The following UNC5C variants were observed in gnomAD, a reference collection of about 807,000 sequenced individuals.
The protein encoded by UNC5C is netrin receptor UNC5C.
In UNC5C, 47 loss-of-function variants were observed where a neutral mutation model predicts 99.8. The ratio of observed to expected loss-of-function variants is 0.47; its 90% CI spans 0.37 to 0.60. The LOEUF (loss-of-function observed/expected upper bound fraction) is 0.60. Ranked by LOEUF, UNC5C falls within the 20% of genes least tolerant of loss-of-function variation. UNC5C has a pLI of 0.00. For synonymous variants in UNC5C, 487 were observed against 452.2 expected, an observed-to-expected ratio of 1.08 and a Z score of -0.98; for missense variants, 1,062 against 1,165.9, an observed-to-expected ratio of 0.91 and a Z score of 1.30.
At chr4:95,201,770 ATT>A (rs369044014) in intron 12 of UNC5C, among the ~76,000 whole-genome samples, 1 of 151,792 alleles carries the variant, frequency 6.6e-6, no homozygotes, top group Non-Finnish European at 1.5e-5. Context: ...TGCCCGGCTA[ATT>A]TTTTTGTATT....
chr4:95,442,505 C>A (rs1746979749), intron 1 of UNC5C, among the ~76,000 whole-genome samples: 1 of 150,266 alleles, frequency 6.7e-6, no homozygotes, highest in Non-Finnish European at 1.5e-5. Flanking sequence ...ATCAAGCCCG[C>A]CTGTTTTTTA....
intron 2 of UNC5C, among the ~76,000 whole-genome samples, chr4:95,318,959 T>C (rs1742580674): frequency 6.6e-6 from 1 of 152,154 alleles, no homozygotes; most frequent in Non-Finnish European, 1.5e-5. Context: ...ATACTCGTTT[T>C]CCCCCATCTC....
intron 3 of UNC5C, among the ~76,000 whole-genome samples, chr4:95,291,372 G>C (rs1213827802): frequency 2.0e-5 from 3 of 152,174 alleles, no homozygotes; most frequent in African/African-American, 4.8e-5. Context: ...AATGATTGCA[G>C]ACAAGCTGTT....
chr4:95,332,169 C>T (rs1579331893), intron 2 of UNC5C, among the ~76,000 whole-genome samples: 1 of 152,180 alleles, frequency 6.6e-6, no homozygotes, highest in Non-Finnish European at 1.5e-5. Context: ...AGATTCAGTG[C>T]CATCCCCATC....
chr4:95,543,989 A>G (rs1290709645), intron 1 of UNC5C, among the ~76,000 whole-genome samples: 2 of 152,172 alleles, frequency 1.3e-5, no homozygotes, highest in Non-Finnish European at 2.9e-5. Context: ...GTCAGCAGCT[A>G]TCATCACTCT....
intron 2 of UNC5C, among the ~76,000 whole-genome samples, chr4:95,322,208 G>A (rs1367206950): frequency 6.6e-6 from 1 of 152,194 alleles, no homozygotes; most frequent in Non-Finnish European, 1.5e-5. Flanking sequence ...AATGAGAACT[G>A]AATTTAAAAT....
chr4:95,415,053 G>A (rs946223529), intron 1 of UNC5C, among the ~76,000 whole-genome samples: 3 of 151,926 alleles, frequency 2.0e-5, no homozygotes, highest in Admixed American at 6.6e-5. Flanking sequence ...CTGGGCCATC[G>A]CAGCCAAGGA....
intron 3 of UNC5C, among the ~76,000 whole-genome samples, chr4:95,280,951 C>G (rs1368913573): frequency 1.3e-5 from 2 of 152,148 alleles, no homozygotes; most frequent in African/African-American, 4.8e-5. Flanking sequence ...ATTTTCTCTT[C>G]TGATGTGGTG....
chr4:95,246,413 T>C (rs79592595), intron 5 of UNC5C, among the ~76,000 whole-genome samples: 1 of 150,984 alleles, frequency 6.6e-6, no homozygotes, highest in Non-Finnish European at 1.5e-5. Context: ...AAAAAAAAAT[T>C]AGCAGGTCAT....
chr4:95,162,799 T>G lies in UNC5C; in HGVS notation c.*6435A>C, dbSNP rs1210603481. On this transcript the variant is annotated 3_prime_UTR_variant, in exon 16 of 16. Transcript: ENST00000453304. ...AGAGGGAACTCCACAACAACAAAAG[T>G]GTTCCATATCGGAAAAGCCAAGGTT... 6.6e-6 allele frequency: 1 copy of G among 152,056 alleles called. No homozygotes were observed. The highest frequency in any genetic ancestry group is 1.5e-5 in the Non-Finnish European group (1 of 68,018). The allele number at this position is 152,056 out of a possible 1,614,324, so 9.4% of individuals were successfully genotyped here.
Position 95,202,868 on chromosome 4 carries a change from A to G in UNC5C, c.1999T>C (p.Tyr667His). The G allele has an allele frequency of 6.2e-7, 1 of 1,614,212 alleles. No individual in the cohort carries two copies. The highest frequency in any genetic ancestry group is 1.1e-5 in the South Asian group (1 of 91,090). The change falls in exon 12 of 16, where the codon TAC becomes CAC. Residue 667 changes from tyrosine to histidine, a missense_variant. Tyr to His is a moderately conservative substitution (Grantham distance 83). Transcript: ENST00000453304. ...CHILTENLSTYALVGHSTTKA... is the reference protein window; with the variant it reads ...CHILTENLSTHALVGHSTTKA... ...GTGGTGGAATGTCCTACCAGGGCGT[A>G]GGTGCTGAGGTTCTCTGTGAGGATG...
intron 1 of UNC5C, among the ~76,000 whole-genome samples, chr4:95,373,966 T>C (rs187462010): frequency 6.6e-6 from 1 of 152,250 alleles, no homozygotes; most frequent in African/African-American, 2.4e-5. Flanking sequence ...CCTCCAACTG[T>C]GATCTTTTCC....
At chr4:95,385,613 C>G (rs1397050190) in intron 1 of UNC5C, among the ~76,000 whole-genome samples, 1 of 152,104 alleles carries the variant, frequency 6.6e-6, no homozygotes, top group East Asian at 1.9e-4. Context: ...TTCTGTAAAT[C>G]TAACCTATTC....
intron 1 of UNC5C, among the ~76,000 whole-genome samples, chr4:95,360,887 C>T (rs973950276): frequency 2.0e-5 from 3 of 152,176 alleles, no homozygotes; most frequent in Non-Finnish European, 4.4e-5. Flanking sequence ...AAGGTTTTCT[C>T]ATGTTAAGGA....
chr4:95,379,912 C>T (rs560131442), intron 1 of UNC5C, among the ~76,000 whole-genome samples: 3 of 152,212 alleles, frequency 2.0e-5, no homozygotes, highest in African/African-American at 7.2e-5. Flanking sequence ...TTAGTTTGGG[C>T]TTGTAGGTGT....
chr4:95,503,603 CCTT>C (rs985503399), intron 1 of UNC5C, among the ~76,000 whole-genome samples: 1 of 152,052 alleles, frequency 6.6e-6, no homozygotes, highest in African/African-American at 2.4e-5. Context: ...AGGACACAAA[CCTT>C]CTGAAAGAAT....
At chr4:95,278,470 C>A in intron 3 of UNC5C, 108 bp from the exon 4 acceptor site, 1 of 818,536 alleles carries the variant, frequency 1.2e-6, no homozygotes, top group Non-Finnish European at 1.9e-6. Flanking sequence ...GCTTTTTTTT[C>A]TTTCTTTTTT....
chr4:95,500,882 A>G (rs907884256), intron 1 of UNC5C, among the ~76,000 whole-genome samples: 2 of 152,144 alleles, frequency 1.3e-5, no homozygotes, highest in East Asian at 3.9e-4. Context: ...CAAATACCGT[A>G]TATTTTTTCC....
chr4:95,181,473 C>T (rs984556533), intron 14 of UNC5C, among the ~76,000 whole-genome samples: 8 of 152,188 alleles, frequency 5.3e-5, no homozygotes, highest in African/African-American at 1.9e-4. Context: ...GGACCAGACC[C>T]CCTCACCCCC....
Sources: allele counts gnomAD v4.1 joint callset (sites outside exome capture counted in the v4.1 genomes callset), GRCh38; gene constraint gnomAD v4.1.1; transcripts MANE v1.5; gene names NCBI Gene and HGNC (gene_info 2026-07-23, HGNC 2026-07-21).